The following ITGA9 variants were observed in gnomAD, a reference collection of about 807,000 sequenced individuals.
ITGA9 encodes the protein integrin subunit alpha 9, also known as integrin alpha-9.
Under a neutral mutation model 127.8 loss-of-function variants are expected in ITGA9, and 56 were observed. The observed-to-expected ratio is 0.44, with a 90% confidence interval of 0.35 to 0.55. ITGA9 has a LOEUF of 0.55. Among genes scored for constraint, ITGA9 ranks in the 20% least tolerant of loss-of-function variants. The pLI is 0.00. For synonymous variants in ITGA9, 508 were observed against 514.5 expected, an observed-to-expected ratio of 0.99 and a Z score of 0.17; for missense variants, 1,196 against 1,347.1, an observed-to-expected ratio of 0.89 and a Z score of 1.76.
At chr3:37,504,597 G>T (rs937101730) in intron 6 of ITGA9, among the ~76,000 whole-genome samples, 1 of 152,172 alleles carries the variant, frequency 6.6e-6, no homozygotes, top group African/African-American at 2.4e-5. Context: ...TTGAATCAGG[G>T]AATGAAGAGA....
At chr3:37,553,925 C>G (rs991679179) in intron 15 of ITGA9, among the ~76,000 whole-genome samples, 2 of 152,210 alleles carry the variant, frequency 1.3e-5, no homozygotes, top group Non-Finnish European at 2.9e-5. Flanking sequence ...GATAATTTCT[C>G]TCTCTTCTAG....
At chr3:37,525,846 G>T (rs985401404) in intron 12 of ITGA9, among the ~76,000 whole-genome samples, 180 bp from the exon 13 acceptor site, 3 of 152,164 alleles carry the variant, frequency 2.0e-5, no homozygotes, top group African/African-American at 7.2e-5. Context: ...GTAGGGATTG[G>T]CTGCCACGTC....
At chr3:37,579,114 C>T (rs561152194) in intron 15 of ITGA9, among the ~76,000 whole-genome samples, 1 of 152,276 alleles carries the variant, frequency 6.6e-6, no homozygotes, top group South Asian at 2.1e-4. Context: ...TGCATAGTCC[C>T]AGGGAAGCCG....
chr3:37,723,446 C>T (rs1468639314), intron 18 of ITGA9, among the ~76,000 whole-genome samples: 9 of 152,090 alleles, frequency 5.9e-5, no homozygotes, highest in African/African-American at 9.6e-5. Flanking sequence ...CTGCAATCTC[C>T]GCCTGCTGGG....
chr3:37,779,648 A>G (rs751984896), intron 24 of ITGA9, among the ~76,000 whole-genome samples: 4 of 152,158 alleles, frequency 2.6e-5, no homozygotes, highest in Admixed American at 6.5e-5. Flanking sequence ...AATTCATCCA[A>G]TTCTTGGTAG....
intron 15 of ITGA9, among the ~76,000 whole-genome samples, chr3:37,543,096 G>A (rs755961883): frequency 2.0e-5 from 3 of 152,048 alleles, no homozygotes; most frequent in Non-Finnish European, 2.9e-5. Flanking sequence ...CTTTCCCCTC[G>A]CACTCTAAAT....
rs753084363 is a variant in ITGA9 at position 37,452,503 on chromosome 3, C to A, written c.129C>A (p.Pro43=). The A allele has an allele frequency of 5.2e-6, 8 of 1,524,476 alleles. No homozygotes were observed. The South Asian group carries it at 8.6e-5, about 16-fold the overall frequency. 94.4% of individuals were successfully genotyped at this position (1,524,476 alleles called of 1,614,324 possible). The change falls in exon 1 of 28, where the codon CCC becomes CCA. Residue 43 remains proline, a synonymous_variant. Coordinates refer to ENST00000264741, the MANE Select transcript of ITGA9 (RefSeq NM_002207.3). This position sits in a 1 kb window ranked among gnomAD's most constrained non-coding sequence, Gnocchi z 7.3. ...DPQRPVHFQG[P]ADSFFGYAVL... ...AGCGCCCCGTGCACTTCCAGGGCCCCGCTGACTCGTTCTTCGGCTACGCAG... is the reference window on the plus strand; with the variant it reads ...AGCGCCCCGTGCACTTCCAGGGCCCAGCTGACTCGTTCTTCGGCTACGCAG...
intron 15 of ITGA9, among the ~76,000 whole-genome samples, chr3:37,598,679 A>G (rs1330241099): frequency 6.6e-6 from 1 of 152,134 alleles, no homozygotes; most frequent in Non-Finnish European, 1.5e-5. Context: ...CAGAGGGCCT[A>G]CCCTTAGGCC....
At chr3:37,587,888 A>T (rs1435418384) in intron 15 of ITGA9, among the ~76,000 whole-genome samples, 3 of 152,210 alleles carry the variant, frequency 2.0e-5, no homozygotes. Context: ...ATTTTATGTT[A>T]AACGGACTCT....
At chr3:37,583,621 G>A (rs62241484) in intron 15 of ITGA9, among the ~76,000 whole-genome samples, 1 of 152,162 alleles carries the variant, frequency 6.6e-6, no homozygotes, top group Non-Finnish European at 1.5e-5. Flanking sequence ...CACTAGCTTT[G>A]CAGAAGCTCA....
intron 27 of ITGA9, chr3:37,818,518 C>T (rs1163909143): frequency 3.8e-6 from 1 of 260,220 alleles, no homozygotes; most frequent in Non-Finnish European, 7.7e-6. Context: ...CTGTCTCAGC[C>T]TCCCAAAGTG....
chr3:37,655,054 G>A (rs542045938), intron 17 of ITGA9, among the ~76,000 whole-genome samples: 41 of 152,264 alleles, frequency 2.7e-4, no homozygotes, highest in Admixed American at 8.5e-4. Flanking sequence ...AGTGTTCTAT[G>A]GTGTATCTGT....
Position 37,452,420 on chromosome 3 carries a change from C to G in ITGA9, c.46C>G (p.Leu16Val). ...APRGAGRLRA[L>V]LLALVVAGIP... ...GAGGGGCGCCGGGAGGCTCCGCGCG[C>G]TGCTGCTGGCGCTGGTGGTCGCGGG... The change falls in exon 1 of 28, where the codon CTG becomes GTG. Residue 16 changes from leucine to valine, a missense_variant. Leu to Val is a conservative substitution (Grantham distance 32, BLOSUM62 1). Transcript: ENST00000264741. This position sits in a 1 kb window ranked among gnomAD's most constrained non-coding sequence, Gnocchi z 7.3. The G allele has an allele frequency of 6.9e-7, 1 of 1,452,820 alleles. No individual in the cohort carries two copies. Among genetic ancestry groups the G allele is most frequent in the Non-Finnish European group, 9.1e-7 (1 of 1,100,080 alleles). The allele number at this position is 1,452,820 out of a possible 1,614,324, so 90.0% of individuals were successfully genotyped here.
chr3:37,487,020 A>G (rs2125561550), intron 4 of ITGA9, among the ~76,000 whole-genome samples: 1 of 152,366 alleles, frequency 6.6e-6, no homozygotes, highest in Middle Eastern at 3.4e-3. Flanking sequence ...AGTGGTCTCC[A>G]CAAGGGATAA....
chr3:37,584,766 ATAT>A (rs1208955468), intron 15 of ITGA9, among the ~76,000 whole-genome samples: 1 of 151,938 alleles, frequency 6.6e-6, no homozygotes, highest in Non-Finnish European at 1.5e-5. Context: ...AATAATAATA[ATAT>A]TATTATTAAT....
chr3:37,542,338 G>A lies in ITGA9; in HGVS notation c.1529-87G>A. The A allele has an allele frequency of 2.9e-6, 4 of 1,373,942 alleles. No individual in the cohort carries two copies. The East Asian group carries it at 9.2e-5, about 31-fold the overall frequency. 85.1% of individuals were successfully genotyped at this position (1,373,942 alleles called of 1,614,324 possible). A position where few individuals can be genotyped will look rare whatever the true frequency, so the allele number is the denominator to read the frequency against. On this transcript the variant is annotated intron_variant, in intron 14 of 27. Transcript: ENST00000264741. ...GAAGGGTAGGTATCATATGAGATGTGCATGTGATCCTGTGACAAGGAAAAG... is the reference window on the plus strand; with the variant it reads ...GAAGGGTAGGTATCATATGAGATGTACATGTGATCCTGTGACAAGGAAAAG...
chr3:37,696,844 C>T (rs1700889966), intron 18 of ITGA9, among the ~76,000 whole-genome samples: 1 of 152,116 alleles, frequency 6.6e-6, no homozygotes, highest in Non-Finnish European at 1.5e-5. Context: ...CCTTGCTACT[C>T]GAATATGGTC....
intron 8 of ITGA9, 86 bp downstream of exon 8, chr3:37,508,713 G>T: frequency 9.7e-7 from 1 of 1,036,034 alleles, no homozygotes; most frequent in Non-Finnish European, 1.5e-6. Flanking sequence ...TTGGTTTGAA[G>T]GCCCTACCTG....
At chr3:37,610,522 G>A (rs9845022) in intron 15 of ITGA9, among the ~76,000 whole-genome samples, 6,051 of 152,230 alleles carry the variant, frequency 0.04, 397 homozygotes, top group African/African-American at 0.14. Context: ...AATCTCCTGG[G>A]ATCATATTGG....
Sources: allele counts gnomAD v4.1 joint callset (sites outside exome capture counted in the v4.1 genomes callset), GRCh38; gene constraint gnomAD v4.1.1; non-coding constraint Gnocchi (gnomAD v3.1); transcripts MANE v1.5; gene names NCBI Gene and HGNC (gene_info 2026-07-23, HGNC 2026-07-21).